The following SCNN1B variants were observed in gnomAD, a reference collection of about 807,000 sequenced individuals.
SCNN1B encodes the protein epithelial sodium channel subunit beta.
In SCNN1B, 46 loss-of-function variants were observed where a neutral mutation model predicts 65.3. The ratio of observed to expected loss-of-function variants is 0.70; its 90% CI spans 0.56 to 0.90. The LOEUF (loss-of-function observed/expected upper bound fraction) is 0.90. Among genes scored for constraint, SCNN1B ranks in the 40% least tolerant of loss-of-function variants. The pLI is 0.00. For synonymous variants in SCNN1B, 349 were observed against 330.6 expected (o/e 1.06, Z -0.60); for missense variants, 751 against 830.5 (o/e 0.90, Z 1.18).
At chr16:23,352,707 G>A (rs1962334794) in intron 2 of SCNN1B, 94 bp from the exon 3 acceptor site, 2 of 1,376,284 alleles carry the variant, frequency 1.5e-6, no homozygotes, top group Non-Finnish European at 2.1e-6. Context: ...ATAGCAGTGT[G>A]AAAACAGACT....
intron 11 of SCNN1B, among the ~76,000 whole-genome samples, chr16:23,379,092 C>G (rs1312640602): frequency 6.9e-6 from 1 of 145,480 alleles, no homozygotes. Flanking sequence ...CATCCTCCAC[C>G]CATTCATCCC....
intron 1 of SCNN1B, among the ~76,000 whole-genome samples, chr16:23,337,477 A>G (rs1285136512): frequency 6.7e-6 from 1 of 150,216 alleles, no homozygotes; most frequent in African/African-American, 2.5e-5. Context: ...TACCAGGTTC[A>G]AGCAATTCTC....
At chr16:23,290,976 AT>A (rs1398039512) in intron 2 of SCNN1B, among the ~76,000 whole-genome samples, 1 of 152,048 alleles carries the variant, frequency 6.6e-6, no homozygotes, top group Non-Finnish European at 1.5e-5. Flanking sequence ...AGGGTTTTTA[AT>A]TTTTTAATTA....
At chr16:23,302,018 A>G (rs535652676), upstream of SCNN1B, among the ~76,000 whole-genome samples, 26 of 152,120 alleles carry the variant, frequency 1.7e-4, no homozygotes, top group East Asian at 3.7e-3. Flanking sequence ...TGTGATATGT[A>G]CTGAGGGGAC....
At position 23,348,647 on chromosome 16, in the gene SCNN1B, G is replaced by A; in HGVS notation, c.48G>A (p.Lys16=). ...YLLKGLHRLQ[K]GPGYTYKELL... The stretch of plus-strand genomic sequence containing the variant: ...TGAAGGGCCTGCATCGGCTGCAGAA[G>A]GGCCCCGGCTACACGTACAAGGAGC... The change falls in exon 2 of 13, where the codon AAG becomes AAA. Residue 16 remains lysine, a synonymous_variant. Coordinates refer to ENST00000343070, the MANE Select transcript of SCNN1B (RefSeq NM_000336.3). The surrounding 1 kb of genome is among the most constrained non-coding windows in gnomAD (Gnocchi z 4.5). The A allele has an allele frequency of 1.2e-6, 2 of 1,613,612 alleles. No homozygotes were observed. Among genetic ancestry groups the A allele is most frequent in the Non-Finnish European group, 1.7e-6 (2 of 1,179,964 alleles).
chr16:23,321,954 G>A (rs1308298444), intron 1 of SCNN1B, among the ~76,000 whole-genome samples: 3 of 152,106 alleles, frequency 2.0e-5, no homozygotes, highest in Non-Finnish European at 4.4e-5. Context: ...GAGCCCGGGA[G>A]GCAAACGTTG....
chr16:23,378,918 G>A, intron 11 of SCNN1B, 151 bp downstream of exon 11: 1 of 719,206 alleles, frequency 1.4e-6, no homozygotes, highest in Non-Finnish European at 2.4e-6. Context: ...AGGAGTGAGA[G>A]AGAGGAAAGG....
intron 8 of SCNN1B, 59 bp from the exon 9 acceptor site, chr16:23,377,106 A>C: frequency 5.4e-6 from 8 of 1,473,174 alleles, no homozygotes; most frequent in Non-Finnish European, 6.6e-6. Flanking sequence ...TCAGCAGGGA[A>C]CAGGGGCACC....
At chr16:23,339,055 C>A (rs1961999954) in intron 1 of SCNN1B, among the ~76,000 whole-genome samples, 1 of 152,190 alleles carries the variant, frequency 6.6e-6, no homozygotes. Context: ...GGCCCAGATA[C>A]TTACTGATCT....
Position 23,290,475 on chromosome 16 carries a change from T to C in SCNN1B, n.178+6671T>C, listed in dbSNP as rs186616064. On this transcript the variant is annotated intron_variant and non_coding_transcript_variant, in intron 2 of 3. Transcript: ENST00000569789. ...CGTGTGCACCACCATGTCTAGCTAC[T>C]TTTTCTGTTTGTTGTAGAGACCAGG... Among the ~76,000 whole-genome samples the C allele has an allele frequency of 1.6e-3, 249 of 152,264 alleles. 1 individual carries two copies. Among genetic ancestry groups the C allele is most frequent in the Non-Finnish European group, 2.8e-3 (191 of 68,024 alleles).
chr16:23,318,876 G>T (rs1382308889), intron 1 of SCNN1B, among the ~76,000 whole-genome samples: 1 of 152,226 alleles, frequency 6.6e-6, no homozygotes, highest in Non-Finnish European at 1.5e-5. Context: ...CTTTGGCCTA[G>T]GGCCAGATCA....
chr16:23,307,211 G>A (rs889490151), intron 1 of SCNN1B, among the ~76,000 whole-genome samples: 1 of 151,936 alleles, frequency 6.6e-6, no homozygotes, highest in South Asian at 2.1e-4. Flanking sequence ...CGAAGACAGA[G>A]TGAATGCACT....
At chr16:23,292,973 G>A (rs1596809647) in intron 2 of SCNN1B, among the ~76,000 whole-genome samples, 1 of 151,438 alleles carries the variant, frequency 6.6e-6, no homozygotes, top group East Asian at 2.0e-4. Context: ...ACATTAGCGA[G>A]GCATGGTGCT....
At position 23,380,072 on chromosome 16, in the gene SCNN1B, C is replaced by T. The variant is rs1165413490; in HGVS notation, c.1467-22C>T. The T allele has an allele frequency of 2.3e-5, 36 of 1,597,006 alleles. No individual in the cohort carries two copies. The highest frequency in any genetic ancestry group is 3.1e-5 in the Non-Finnish European group (36 of 1,164,646). ...TGGAAGGGGGATACATTAGTCCCGGCCCTTCTCGCTGCCTCCTGCAGGAAG... is the reference window on the plus strand; with the variant it reads ...TGGAAGGGGGATACATTAGTCCCGGTCCTTCTCGCTGCCTCCTGCAGGAAG... On this transcript the variant is annotated intron_variant, in intron 11 of 12. Coordinates refer to ENST00000343070, the MANE Select transcript of SCNN1B (RefSeq NM_000336.3). The surrounding 1 kb of genome is among the most constrained non-coding windows in gnomAD (Gnocchi z 5.4).
intron 1 of SCNN1B, among the ~76,000 whole-genome samples, chr16:23,337,410 G>C (rs1386196817): frequency 8.5e-6 from 1 of 117,042 alleles, no homozygotes; most frequent in African/African-American, 3.5e-5. Context: ...TTTCACTCTT[G>C]TCGTCCAGGC....
At chr16:23,325,683 T>C (rs1345395217) in intron 1 of SCNN1B, among the ~76,000 whole-genome samples, 1 of 152,080 alleles carries the variant, frequency 6.6e-6, no homozygotes, top group East Asian at 1.9e-4. Context: ...CAAACCCCTG[T>C]TCTGCCAAAT....
intron 1 of SCNN1B, among the ~76,000 whole-genome samples, chr16:23,335,575 T>C (rs979177186): frequency 1.3e-5 from 2 of 151,728 alleles, no homozygotes; most frequent in East Asian, 3.9e-4. Flanking sequence ...AGCCTCCCAA[T>C]AGCTGGGATT....
rs201624949 is a variant in SCNN1B at position 23,365,617 on chromosome 16, G to A, written c.777-2239G>A. The stretch of plus-strand genomic sequence containing the variant: ...AGAAAGAAAGAAAGAAAGAAAGAAA[G>A]AAAAAAGAAAGAAGTCACATCTTGG... On this transcript the variant is annotated intron_variant, in intron 4 of 12. Transcript: ENST00000343070. 6.2e-5 allele frequency among the ~76,000 whole-genome samples: 4 copies of A among 64,442 alleles called. No individual in the cohort carries two copies. In the South Asian group the frequency reaches 3.0e-3, roughly 49 times the overall value. 42.3% of individuals were successfully genotyped at this position (64,442 alleles called of 152,430 possible). A position where few individuals can be genotyped will look rare whatever the true frequency, so the allele number is the denominator to read the frequency against.
rs568186796 is a variant in SCNN1B, at chr16:23,339,059, C to T, written c.-8-9533C>T. Among the ~76,000 whole-genome samples the T allele has an allele frequency of 2.6e-5, 4 of 152,326 alleles. No homozygotes were observed. The South Asian group carries it at 6.2e-4, about 24-fold the overall frequency. The stretch of plus-strand genomic sequence containing the variant: ...TACTCACCCAAGGCCCAGATACTTA[C>T]TGATCTGCTTTCTGTCACAATAGAT... On this transcript the variant is annotated intron_variant, in intron 1 of 12. Coordinates refer to ENST00000343070, the MANE Select transcript of SCNN1B (RefSeq NM_000336.3).
Sources: allele counts gnomAD v4.1 joint callset (sites outside exome capture counted in the v4.1 genomes callset), GRCh38; gene constraint gnomAD v4.1.1; non-coding constraint Gnocchi (gnomAD v3.1); transcripts MANE v1.5; gene names NCBI Gene and HGNC (gene_info 2026-07-23, HGNC 2026-07-21).